Variants in LDB2 observed in about 807,000 individuals in gnomAD.
The protein encoded by LDB2 is LIM domain-binding protein 2.
LDB2 carries 12 observed loss-of-function variants against 44.3 expected under a neutral mutation model. That is an observed-to-expected ratio of 0.27 (90% CI 0.17 to 0.44). LDB2 has a LOEUF of 0.44. Ranked by LOEUF, LDB2 falls within the 20% of genes least tolerant of loss-of-function variation. LDB2 has a pLI of 1.00. For synonymous variants in LDB2, 164 were observed against 174.8 expected (o/e 0.94, Z 0.49); for missense variants, 344 against 473.5 (o/e 0.73, Z 2.54).
At chr4:16,610,372 T>C (rs889918968) in intron 2 of LDB2, among the ~76,000 whole-genome samples, 4 of 152,108 alleles carry the variant, frequency 2.6e-5, no homozygotes, top group East Asian at 1.9e-4. Flanking sequence ...GATGGATGAA[T>C]TGACAGAAGT....
At chr4:16,818,060 C>T (rs1024223259) in intron 1 of LDB2, among the ~76,000 whole-genome samples, 2 of 152,130 alleles carry the variant, frequency 1.3e-5, no homozygotes, top group Non-Finnish European at 2.9e-5. Flanking sequence ...TGACGCTCAG[C>T]CTGATGGGAG....
At chr4:16,773,490 C>T (rs796790865) in intron 1 of LDB2, among the ~76,000 whole-genome samples, 3 of 152,142 alleles carry the variant, frequency 2.0e-5, no homozygotes, top group South Asian at 2.1e-4. Flanking sequence ...TCATGAGAAG[C>T]GTGCAACCTC....
chr4:16,769,227 A>C (rs990741514), intron 1 of LDB2, among the ~76,000 whole-genome samples: 4 of 152,208 alleles, frequency 2.6e-5, no homozygotes, highest in African/African-American at 9.6e-5. Flanking sequence ...CACAAGCATG[A>C]AAAGGATGCA....
chr4:16,557,691 C>T (rs1013534572), intron 5 of LDB2, among the ~76,000 whole-genome samples: 4 of 152,222 alleles, frequency 2.6e-5, no homozygotes, highest in Admixed American at 1.3e-4. Flanking sequence ...ATGTCCCTGT[C>T]TCACAGCTTT....
At chr4:16,718,850 A>G (rs781155963) in intron 2 of LDB2, among the ~76,000 whole-genome samples, 8 of 152,152 alleles carry the variant, frequency 5.3e-5, no homozygotes, top group Non-Finnish European at 8.8e-5. Context: ...GAAATGCTGC[A>G]GTAATAAATG....
chr4:16,887,302 C>T (rs760226958), intron 1 of LDB2, among the ~76,000 whole-genome samples: 5 of 152,110 alleles, frequency 3.3e-5, no homozygotes, highest in African/African-American at 4.8e-5. Context: ...AAGTTAGCCC[C>T]GCTTGGGTTT....
chr4:16,642,493 C>T (rs562334307), intron 2 of LDB2, among the ~76,000 whole-genome samples: 1 of 151,972 alleles, frequency 6.6e-6, no homozygotes, highest in East Asian at 1.9e-4. Flanking sequence ...TGATCAAATA[C>T]CAGAAGGAGA....
chr4:16,849,715 T>C (rs1385763699), intron 1 of LDB2, among the ~76,000 whole-genome samples: 1 of 152,180 alleles, frequency 6.6e-6, no homozygotes. Flanking sequence ...ATTGAAAAAA[T>C]AGCTATCAAG....
intron 1 of LDB2, among the ~76,000 whole-genome samples, chr4:16,867,453 A>G (rs1349477020): frequency 1.3e-5 from 2 of 152,212 alleles, no homozygotes; most frequent in Non-Finnish European, 2.9e-5. Context: ...GGGAACTGCA[A>G]TCAACTCTTA....
At chr4:16,666,127 T>TAC (rs925612891) in intron 2 of LDB2, among the ~76,000 whole-genome samples, 4 of 152,226 alleles carry the variant, frequency 2.6e-5, no homozygotes, top group Admixed American at 1.3e-4. Context: ...TACTTTGTTA[T>TAC]AGCTGCGACA....
At chr4:16,516,655 A>C (rs1462215702) in intron 5 of LDB2, among the ~76,000 whole-genome samples, 1 of 152,164 alleles carries the variant, frequency 6.6e-6, no homozygotes, top group Non-Finnish European at 1.5e-5. Context: ...AAAATGGGAG[A>C]GTTACACTTA....
chr4:16,636,946 A>G (rs188012421), intron 2 of LDB2, among the ~76,000 whole-genome samples: 12 of 152,258 alleles, frequency 7.9e-5, no homozygotes, highest in Admixed American at 7.8e-4. Flanking sequence ...TGCAATTTGT[A>G]CTCCCTGATA....
chr4:16,635,980 G>T (rs548565926), intron 2 of LDB2, among the ~76,000 whole-genome samples: 4 of 152,192 alleles, frequency 2.6e-5, no homozygotes, highest in Non-Finnish European at 5.9e-5. Context: ...TCTTCTAGAC[G>T]AGTGGAGGCT....
At chr4:16,844,341 T>A (rs1255918597) in intron 1 of LDB2, among the ~76,000 whole-genome samples, 1 of 147,274 alleles carries the variant, frequency 6.8e-6, no homozygotes, top group East Asian at 2.1e-4. Context: ...TCACTTCTCC[T>A]CCCACTTCCC....
intron 2 of LDB2, among the ~76,000 whole-genome samples, chr4:16,702,699 C>G (rs1304178868): frequency 1.3e-5 from 2 of 152,102 alleles, no homozygotes. Context: ...TGTTGGTCTG[C>G]ATGGGGATGC....
In LDB2 at chr4:16,705,918, T is replaced by A. The variant is rs533762018; in HGVS notation, c.235+53240A>T. Among the ~76,000 whole-genome samples, 21 of 152,318 alleles carry A rather than the reference T, an allele frequency of 1.4e-4. No homozygotes were observed. The South Asian group carries it at 3.7e-3, about 27-fold the overall frequency. Reference sequence around the variant, plus strand: ...CTACTTAAGAATGATATCCACAAAATACATATGAGATTACCTTTCACTTTT... The same window carrying A: ...CTACTTAAGAATGATATCCACAAAAAACATATGAGATTACCTTTCACTTTT... On this transcript the variant is annotated intron_variant, in intron 2 of 7. Transcript: ENST00000304523.
chr4:16,810,642 C>CCAAT (rs1779665886), intron 1 of LDB2, among the ~76,000 whole-genome samples: 1 of 31,200 alleles, frequency 3.2e-5, no homozygotes. Flanking sequence ...GGTTCAAATT[C>CCAAT]ATGGTTATGG....
chr4:16,760,276 A>C (rs1579407142), intron 1 of LDB2, among the ~76,000 whole-genome samples: 2 of 152,158 alleles, frequency 1.3e-5, no homozygotes, highest in Non-Finnish European at 2.9e-5. Context: ...TGGCAGAGAT[A>C]CCACAAGCCT....
chr4:16,771,529 G>T (rs542214565), intron 1 of LDB2, among the ~76,000 whole-genome samples: 1 of 152,196 alleles, frequency 6.6e-6, no homozygotes, highest in South Asian at 2.1e-4. Context: ...CATGGCCAAA[G>T]CCAGATATCT....
Sources: gnomAD v4.1 joint callset for allele counts (sites outside exome capture counted in the v4.1 genomes callset) on GRCh38, gnomAD v4.1.1 for gene constraint, MANE v1.5 for transcripts, NCBI Gene and HGNC (gene_info 2026-07-23, HGNC 2026-07-21) for gene names.